The following PCDHB1 variants were observed in gnomAD, a reference collection of about 807,000 sequenced individuals.
PCDHB1 encodes the protein protocadherin beta-1.
Under a neutral mutation model 43.5 loss-of-function variants are expected in PCDHB1, and 44 were observed. That is an observed-to-expected ratio of 1.01 (90% CI 0.79 to 1.30). PCDHB1 has a LOEUF of 1.30. Ranked by LOEUF, PCDHB1 falls within the 50% of genes most tolerant of loss-of-function variation. PCDHB1 has a pLI of 0.00. For missense variants in PCDHB1, 919 were observed against 1,008.9 expected, an observed-to-expected ratio of 0.91 and a Z score of 1.21; for synonymous variants, 392 against 400.8, an observed-to-expected ratio of 0.98 and a Z score of 0.26.
rs1310186712 is a variant in PCDHB1 at position 141,058,632 on chromosome 5, GT to G, written c.*4707del. ...GTCTGCCACGTTTCTCTACTATAAA[GT>G]TACTTTTTTCTCTTTGTAATTAATA... On this transcript the variant is annotated 3_prime_UTR_variant, in exon 1 of 1. Transcript: ENST00000306549. The G allele has an allele frequency of 6.6e-6, 1 of 152,050 alleles. No homozygotes were observed. The highest frequency in any genetic ancestry group is 1.5e-5 in the Non-Finnish European group (1 of 67,994). The allele number at this position is 152,050 out of a possible 1,614,324, so 9.4% of individuals were successfully genotyped here.
rs782502689 is a variant in PCDHB1, at chr5:141,052,773, G to A, written c.1303G>A (p.Glu435Lys). Reference sequence around the variant, plus strand: ...TACTGGACCACCTAGCTTGTCTGCCGAGACTATGATAGAGGTGCTAATATC... The same window carrying A: ...TACTGGACCACCTAGCTTGTCTGCCAAGACTATGATAGAGGTGCTAATATC... ...MDTGPPSLSA[E>K]TMIEVLISDV... The change falls in exon 1 of 1, where the codon GAG becomes AAG. Residue 435 changes from glutamate to lysine, a missense_variant. Physicochemically the swap from Glu to Lys is moderately conservative, Grantham distance 56. Coordinates refer to ENST00000306549, the MANE Select transcript of PCDHB1 (RefSeq NM_013340.4). The A allele has an allele frequency of 1.2e-6, 2 of 1,613,984 alleles. No individual in the cohort carries two copies. The highest frequency in any genetic ancestry group is 1.7e-6 in the Non-Finnish European group (2 of 1,180,014).
In PCDHB1 at chr5:141,058,904, T is replaced by C. The variant is rs566867554; in HGVS notation, c.*4977T>C. The C allele has an allele frequency of 3.3e-5, 5 of 152,298 alleles. No homozygotes were observed. The South Asian group carries it at 1.0e-3, about 32-fold the overall frequency. 9.4% of individuals were successfully genotyped at this position (152,298 alleles called of 1,614,324 possible). A position where few individuals can be genotyped will look rare whatever the true frequency, so the allele number is the denominator to read the frequency against. On this transcript the variant is annotated 3_prime_UTR_variant, in exon 1 of 1. Transcript: ENST00000306549. ...GGATACCTGGATATCTCCTCTATTA[T>C]TTGGGTTACAAACTAATCCTATCAT... is the stretch of plus-strand genomic sequence containing the variant.
Position 141,051,537 on chromosome 5 carries a change from A to AT in PCDHB1, c.68dup (p.Ser24IlefsTer27). On this transcript the variant is annotated frameshift_variant, in exon 1 of 1. Transcript: ENST00000306549. LOFTEE classifies it high-confidence loss of function. ...GGGATCTCTTCTCATTTTTCTGTGC[A>AT]TATCTGTGGGGGATGCGACAACTAT... 6.2e-7 allele frequency: 1 copy of AT among 1,614,226 alleles called. No homozygotes were observed. Among genetic ancestry groups the AT allele is most frequent in the East Asian group, 2.2e-5 (1 of 44,878 alleles).
chr5:141,057,681 C>T lies in PCDHB1; in HGVS notation c.*3754C>T, dbSNP rs1751163704. 6.6e-6 allele frequency: 1 copy of T among 151,726 alleles called. No individual in the cohort carries two copies. The highest frequency in any genetic ancestry group is 2.4e-5 in the African/African-American group (1 of 41,340). 9.4% of individuals were successfully genotyped at this position (151,726 alleles called of 1,614,324 possible). A position where few individuals can be genotyped will look rare whatever the true frequency, so the allele number is the denominator to read the frequency against. Reference sequence around the variant, plus strand: ...TTTGCCACCATTTTTCTTATTTTTGCCTTAGGTGAAAATTTTGTCACTCTA... The same window carrying T: ...TTTGCCACCATTTTTCTTATTTTTGTCTTAGGTGAAAATTTTGTCACTCTA... On this transcript the variant is annotated 3_prime_UTR_variant, in exon 1 of 1. Transcript: ENST00000306549.
At position 141,059,068 on chromosome 5, in the gene PCDHB1, T is replaced by G. The variant is rs1235811964; in HGVS notation, c.*5141T>G. The G allele has an allele frequency of 6.6e-6, 1 of 152,144 alleles. No individual in the cohort carries two copies. The highest frequency in any genetic ancestry group is 1.9e-4 in the East Asian group (1 of 5,200). The allele number at this position is 152,144 out of a possible 1,614,324, so 9.4% of individuals were successfully genotyped here. ...CATGTTAGATTATTTTAAACAATCA[T>G]AAAGTAACCCCATTAAGGTTCATGC... On this transcript the variant is annotated 3_prime_UTR_variant, in exon 1 of 1. Transcript: ENST00000306549.
chr5:141,051,377 C>A lies in PCDHB1; in HGVS notation c.-94C>A. ...GTGCTGCAGTTAGAGGCTAGTGAAG[C>A]GGAGAGCAGCTGTTGCAGTAACCTG... On this transcript the variant is annotated 5_prime_UTR_variant, in exon 1 of 1. Coordinates refer to ENST00000306549, the MANE Select transcript of PCDHB1 (RefSeq NM_013340.4). 7.3e-7 allele frequency: 1 copy of A among 1,365,784 alleles called. No homozygotes were observed. The highest frequency in any genetic ancestry group is 1.3e-5 in the South Asian group (1 of 74,764). 84.6% of individuals were successfully genotyped at this position (1,365,784 alleles called of 1,614,324 possible). A position where few individuals can be genotyped will look rare whatever the true frequency, so the allele number is the denominator to read the frequency against.
In PCDHB1 at chr5:141,052,102, C is replaced by T; in HGVS notation, c.632C>T (p.Thr211Ile). The T allele has an allele frequency of 1.9e-6, 3 of 1,613,994 alleles. No homozygotes were observed. Among genetic ancestry groups the T allele is most frequent in the Non-Finnish European group, 2.5e-6 (3 of 1,179,938 alleles). ...DREEQPEVNL[T>I]ITAVDGGSPP... ...GAGGAGCAGCCTGAAGTCAACTTGA[C>T]AATTACGGCGGTGGACGGCGGGTCC... Residue 211 changes from threonine to isoleucine, a missense_variant, in exon 1 of 1, where the codon ACA becomes ATA. Thr to Ile is a moderately conservative substitution (Grantham distance 89, BLOSUM62 -1). Transcript: ENST00000306549.
chr5:141,053,732 A>G lies in PCDHB1; in HGVS notation c.2262A>G (p.Pro754=). ...ATGGATCCTTATCTCGGCCTTGTCCATATGAAATGTGTTCAGCCACTGGCA... is the reference window on the plus strand; with the variant it reads ...ATGGATCCTTATCTCGGCCTTGTCCGTATGAAATGTGTTCAGCCACTGGCA... ...QGNGSLSRPC[P]YEMCSATGTG... is the part of the protein sequence containing the mutation. The change falls in exon 1 of 1, where the codon CCA becomes CCG. Residue 754 remains proline, a synonymous_variant. Coordinates refer to ENST00000306549, the MANE Select transcript of PCDHB1 (RefSeq NM_013340.4). 6.2e-7 allele frequency: 1 copy of G among 1,614,202 alleles called. No homozygotes were observed. The highest frequency in any genetic ancestry group is 8.5e-7 in the Non-Finnish European group (1 of 1,179,998).
Position 141,058,302 on chromosome 5 carries a change from T to A in PCDHB1, c.*4375T>A, listed in dbSNP as rs998621476. On this transcript the variant is annotated 3_prime_UTR_variant, in exon 1 of 1. Coordinates refer to ENST00000306549, the MANE Select transcript of PCDHB1 (RefSeq NM_013340.4). Reference sequence around the variant, plus strand: ...TACCTTGTCTATCATGACTTGAGATTTTTGAAGAGTACTAGCCAGTTATTT... The same window carrying A: ...TACCTTGTCTATCATGACTTGAGATATTTGAAGAGTACTAGCCAGTTATTT... 7.2e-5 allele frequency: 11 copies of A among 152,196 alleles called. No individual in the cohort carries two copies. Among genetic ancestry groups the A allele is most frequent in the African/African-American group, 2.4e-4 (10 of 41,452 alleles). 9.4% of individuals were successfully genotyped at this position (152,196 alleles called of 1,614,324 possible).
At position 141,053,526 on chromosome 5, in the gene PCDHB1, C is replaced by A. The variant is rs1554267477; in HGVS notation, c.2056C>A (p.Pro686Thr). ...AACCAAGCATTCTAGAAAGGTAAAT[C>A]CATCCACTAAATATTTGGTCATTTC... ...DPTKHSRKVN[P>T]STKYLVISLV... is the part of the protein sequence containing the mutation. The change falls in exon 1 of 1, where the codon CCA becomes ACA. Residue 686 changes from proline (P) to threonine (T), a missense_variant. Coordinates refer to ENST00000306549, the MANE Select transcript of PCDHB1 (RefSeq NM_013340.4). The A allele has an allele frequency of 2.5e-6, 4 of 1,614,164 alleles. No individual in the cohort carries two copies. Among genetic ancestry groups the A allele is most frequent in the East Asian group, 4.5e-5 (2 of 44,888 alleles).
rs1393387353 is a variant in PCDHB1, at chr5:141,052,032, G to A, written c.562G>A (p.Gly188Arg). ...CCTGCACACCCGCTTCTGCAGCCAC[G>A]GGCCTAAATATGCTGAGCTGGTGCT... is the stretch of plus-strand genomic sequence containing the variant. ...FHLHTRFCSH[G>R]PKYAELVLNK... is the part of the protein sequence containing the mutation. The change falls in exon 1 of 1, where the codon GGG becomes AGG. Residue 188 changes from glycine (G) to arginine (R), a missense_variant. Coordinates refer to ENST00000306549, the MANE Select transcript of PCDHB1 (RefSeq NM_013340.4). 3 of 1,613,998 alleles carry A rather than the reference G, an allele frequency of 1.9e-6. No individual in the cohort carries two copies. Among genetic ancestry groups the A allele is most frequent in the African/African-American group, 2.7e-5 (2 of 74,926 alleles).
At position 141,053,613 on chromosome 5, in the gene PCDHB1, T is replaced by C. The variant is rs1401424260; in HGVS notation, c.2143T>C (p.Tyr715His). Reference sequence around the variant, plus strand: ...CATAGTGATCTTCATTATACATGTCTACCAAAAGATTAAATATAGAGAAAA... The same window carrying C: ...CATAGTGATCTTCATTATACATGTCCACCAAAAGATTAAATATAGAGAAAA... ...SVIVIFIIHV[Y>H]QKIKYREKFT... Residue 715 changes from tyrosine (Y) to histidine (H), a missense_variant, in exon 1 of 1, where the codon TAC becomes CAC. By Grantham distance (83) the Tyr-to-His change is moderately conservative. Transcript: ENST00000306549. 6.2e-7 allele frequency: 1 copy of C among 1,613,796 alleles called. No homozygotes were observed. The highest frequency in any genetic ancestry group is 8.5e-7 in the Non-Finnish European group (1 of 1,179,656).
In PCDHB1 at chr5:141,053,680, C is replaced by T. The variant is rs782557992; in HGVS notation, c.2210C>T (p.Ser737Phe). The T allele has an allele frequency of 1.9e-6, 3 of 1,614,166 alleles. No homozygotes were observed. The South Asian group carries it at 3.3e-5, about 18-fold the overall frequency. The change falls in exon 1 of 1, where the codon TCT (serine) becomes TTT (phenylalanine). Residue 737 changes from serine (S) to phenylalanine (F), a missense_variant. By Grantham distance (155) the Ser-to-Phe change is radical (BLOSUM62 -2). Transcript: ENST00000306549. ...CATTTCTATGATGACTGTAATTTCT[C>T]TAACAACCTGGTACAAGGACAAGGC... is the stretch of plus-strand genomic sequence containing the variant. ...QEHFYDDCNF[S>F]NNLVQGQGNG...
In PCDHB1 at chr5:141,051,483, C is replaced by G. The variant is rs35783336; in HGVS notation, c.13C>G (p.Arg5Gly). Residue 5 changes from arginine to glycine, a missense_variant, in exon 1 of 1, where the codon CGC (arginine) becomes GGC (glycine). Transcript: ENST00000306549. ...CTTGTGAGAACTGATGGCGGGTACG[C>G]GCAGAAAATCTTTGCAAAACAGGCA... Reference protein sequence around the residue: MAGTRRKSLQNRQVG... With the variant: MAGTGRKSLQNRQVG... 1.7e-4 allele frequency: 270 copies of G among 1,613,896 alleles called. 1 individual carries two copies. In the African/African-American group the frequency reaches 3.4e-3, roughly 20 times the overall value.
At position 141,055,947 on chromosome 5, in the gene PCDHB1, C is replaced by G. The variant is rs1554267779; in HGVS notation, c.*2020C>G. On this transcript the variant is annotated 3_prime_UTR_variant, in exon 1 of 1. Transcript: ENST00000306549. ...GGGCATGGTGGCTCATACCTGTAGT[C>G]CCAGCTACTCAGGAGTCTGAAGGAG... 1 of 152,122 alleles carries G rather than the reference C, an allele frequency of 6.6e-6. No homozygotes were observed. Among genetic ancestry groups the G allele is most frequent in the Admixed American group, 6.5e-5 (1 of 15,278 alleles). The allele number at this position is 152,122 out of a possible 1,614,324, so 9.4% of individuals were successfully genotyped here.
chr5:141,051,678 G>C lies in PCDHB1; in HGVS notation c.208G>C (p.Gly70Arg), dbSNP rs1017358082. The change falls in exon 1 of 1, where the codon GGC becomes CGC. Residue 70 changes from glycine (G) to arginine (R), a missense_variant. By Grantham distance (125) the Gly-to-Arg change is moderately radical (BLOSUM62 -2). Transcript: ENST00000306549. ...AARGARLVSE[G>R]NKMHFRLHRK... ...GCGCGGGGCGCGGCTGGTTTCCGAG[G>C]GCAACAAAATGCATTTCCGGCTCCA... The C allele has an allele frequency of 6.2e-7, 1 of 1,614,226 alleles. No individual in the cohort carries two copies. The highest frequency in any genetic ancestry group is 1.3e-5 in the African/African-American group (1 of 75,070).
chr5:141,053,305 A>C lies in PCDHB1; in HGVS notation c.1835A>C (p.Asp612Ala). Residue 612 changes from aspartate (D) to alanine (A), a missense_variant, in exon 1 of 1, where the codon GAC becomes GCC. Transcript: ENST00000306549. ...TCATATCATCTACTTAAGGCCACTGACCTTGGGTTATTTTCTGTTCAAAGA... is the reference window on the plus strand; with the variant it reads ...TCATATCATCTACTTAAGGCCACTGCCCTTGGGTTATTTTCTGTTCAAAGA... ...WLSYHLLKAT[D>A]LGLFSVQRQN... 6.2e-7 allele frequency: 1 copy of C among 1,614,198 alleles called. No homozygotes were observed. Among genetic ancestry groups the C allele is most frequent in the Non-Finnish European group, 8.5e-7 (1 of 1,180,042 alleles).
chr5:141,053,350 C>T lies in PCDHB1; in HGVS notation c.1880C>T (p.Thr627Ile), dbSNP rs1234759332. Residue 627 changes from threonine (T) to isoleucine (I), a missense_variant, in exon 1 of 1, where the codon ACA (threonine) becomes ATA (isoleucine). Transcript: ENST00000306549. ...CAAAGACAAAATGGAGAAATCCATA[C>T]ATTAAGGCAGATATCTGAGAGAGAC... ...SVQRQNGEIHTLRQISERDPM... is the reference protein window; with the variant it reads ...SVQRQNGEIHILRQISERDPM... 1.9e-6 allele frequency: 3 copies of T among 1,614,028 alleles called. No individual in the cohort carries two copies. The highest frequency in any genetic ancestry group is 1.7e-5 in the Admixed American group (1 of 59,992).
At position 141,052,880 on chromosome 5, in the gene PCDHB1, T is replaced by C; in HGVS notation, c.1410T>C (p.Phe470=). ...GAGAAAACAACAGTCCTGCGGTTTT[T>C]ATTGGCAAAGTCCATGCTGAGGATC... ...TVRENNSPAV[F]IGKVHAEDLD... Residue 470 remains phenylalanine, a synonymous_variant, in exon 1 of 1, where the codon TTT becomes TTC. Coordinates refer to ENST00000306549, the MANE Select transcript of PCDHB1 (RefSeq NM_013340.4). 1 of 1,614,228 alleles carries C rather than the reference T, an allele frequency of 6.2e-7. No homozygotes were observed. The highest frequency in any genetic ancestry group is 2.2e-5 in the East Asian group (1 of 44,888).
Sources: gnomAD v4.1 joint callset for allele counts on GRCh38, gnomAD v4.1.1 for gene constraint, MANE v1.5 for transcripts, NCBI Gene and HGNC (gene_info 2026-07-23, HGNC 2026-07-21) for gene names.